The following RPS6KA2 variants were observed in gnomAD, a reference collection of about 807,000 sequenced individuals.
The protein encoded by RPS6KA2 is ribosomal protein S6 kinase A2.
RPS6KA2 carries 42 observed loss-of-function variants against 91.8 expected under a neutral mutation model. The ratio of observed to expected loss-of-function variants is 0.46; its 90% CI spans 0.36 to 0.59. The LOEUF is 0.59. Among genes scored for constraint, RPS6KA2 ranks in the 20% least tolerant of loss-of-function variants. The pLI, the probability that RPS6KA2 is intolerant of heterozygous loss-of-function variation, is 0.00. For missense variants in RPS6KA2, 798 were observed against 978.5 expected (o/e 0.82, Z 2.46); for synonymous variants, 414 against 393.6 (o/e 1.05, Z -0.61).
In RPS6KA2 at chr6:166,434,556, C is replaced by G. The variant is rs984833323; in HGVS notation, c.1333-2066G>C. On this transcript the variant is annotated intron_variant, in intron 14 of 20. Coordinates refer to ENST00000265678, the MANE Select transcript of RPS6KA2 (RefSeq NM_021135.6). This position sits in a 1 kb window ranked among gnomAD's most constrained non-coding sequence, Gnocchi z 4.4. ...GGTACCCAAACTCCTCTGCTCCTGT[C>G]TGCCTGTGGGCATCCCGTCTATCGG... 3.3e-5 allele frequency among the ~76,000 whole-genome samples: 5 copies of G among 152,232 alleles called. No homozygotes were observed. The highest frequency in any genetic ancestry group is 9.6e-5 in the African/African-American group (4 of 41,468).
chr6:166,679,683 T>C (rs1427580836), intron 2 of RPS6KA2, among the ~76,000 whole-genome samples: 2 of 152,212 alleles, frequency 1.3e-5, no homozygotes, highest in Admixed American at 6.5e-5. Context: ...TTCAGCCCGC[T>C]GCTGTGCTGT....
chr6:166,799,674 C>A (rs980823325), intron 2 of RPS6KA2, among the ~76,000 whole-genome samples: 1 of 151,296 alleles, frequency 6.6e-6, no homozygotes, highest in Non-Finnish European at 1.5e-5. Flanking sequence ...AAGAGTTGTG[C>A]GAGAGTTTTA....
At chr6:166,586,223 T>A in intron 1 of RPS6KA2, 1 of 1,592,270 alleles carries the variant, frequency 6.3e-7, no homozygotes, top group Non-Finnish European at 8.5e-7. Context: ...TACCCCAGGA[T>A]CGTCCATGCC....
chr6:166,501,958 C>T (rs1057491105), intron 6 of RPS6KA2, among the ~76,000 whole-genome samples: 3 of 152,124 alleles, frequency 2.0e-5, no homozygotes, highest in East Asian at 1.9e-4. Flanking sequence ...TAAATAAGCC[C>T]GTCCCCAAAC....
At chr6:166,475,798 G>T (rs770923783) in intron 10 of RPS6KA2, 3 of 532,994 alleles carry the variant, frequency 5.6e-6, no homozygotes, top group Non-Finnish European at 1.2e-5. Context: ...AAGCCTAGGA[G>T]CCTGGAGCAA....
chr6:166,632,948 C>T (rs1238071320), intron 2 of RPS6KA2, among the ~76,000 whole-genome samples: 2 of 152,218 alleles, frequency 1.3e-5, no homozygotes, highest in African/African-American at 2.4e-5. Flanking sequence ...GGCGCAGGGG[C>T]TCATGCCTGC....
chr6:166,450,391 C>G (rs62637767), intron 13 of RPS6KA2, among the ~76,000 whole-genome samples: 1 of 148,654 alleles, frequency 6.7e-6, no homozygotes, highest in Admixed American at 6.7e-5. Flanking sequence ...CAGGGACCAC[C>G]ACAGGAGATC....
intron 1 of RPS6KA2, among the ~76,000 whole-genome samples, chr6:166,593,970 C>T (rs1486993705): frequency 2.0e-5 from 3 of 152,214 alleles, no homozygotes; most frequent in African/African-American, 2.4e-5. Context: ...ATTGACCTAA[C>T]AATTCCATTC....
At chr6:166,685,026 G>A (rs760987200) in intron 2 of RPS6KA2, among the ~76,000 whole-genome samples, 8 of 152,228 alleles carry the variant, frequency 5.3e-5, no homozygotes, top group Admixed American at 2.0e-4. Context: ...ATGTCACTGC[G>A]GGATGGTAGC....
intron 2 of RPS6KA2, among the ~76,000 whole-genome samples, chr6:166,640,483 C>T (rs1250566509): frequency 1.3e-5 from 2 of 152,180 alleles, no homozygotes; most frequent in East Asian, 3.9e-4. Context: ...CTCCTCCCCT[C>T]ATCAGGGGAG....
chr6:166,795,881 C>T (rs533964905), intron 2 of RPS6KA2, among the ~76,000 whole-genome samples: 1 of 152,308 alleles, frequency 6.6e-6, no homozygotes, highest in African/African-American at 2.4e-5. Flanking sequence ...AGGAAGCATC[C>T]AGGCAGTGGG....
intron 2 of RPS6KA2, chr6:166,702,240 G>A (rs1220717133): frequency 6.2e-7 from 1 of 1,612,044 alleles, no homozygotes; most frequent in East Asian, 2.2e-5. Flanking sequence ...AGGCACAGAG[G>A]CAAATCACAT....
intron 1 of RPS6KA2, among the ~76,000 whole-genome samples, chr6:166,564,636 G>A (rs1583283695): frequency 6.6e-6 from 1 of 152,312 alleles, no homozygotes; most frequent in Non-Finnish European, 1.5e-5. Flanking sequence ...GCTCTTTAAT[G>A]TGAAGCTTTT....
intron 1 of RPS6KA2, among the ~76,000 whole-genome samples, chr6:166,546,471 G>A (rs1411670350): frequency 6.9e-6 from 1 of 145,398 alleles, no homozygotes; most frequent in Non-Finnish European, 1.5e-5. Context: ...GTGTCACCCT[G>A]ACTGGGAAAA....
chr6:166,428,107 T>C (rs1778990024), intron 16 of RPS6KA2, among the ~76,000 whole-genome samples: 1 of 151,778 alleles, frequency 6.6e-6, no homozygotes, highest in Non-Finnish European at 1.5e-5. Context: ...AAAACAGAGA[T>C]ATAGATCAAT....
At chr6:166,516,531 ATCAAACAAAG>A (rs1004730978) in intron 3 of RPS6KA2, among the ~76,000 whole-genome samples, 1 of 152,218 alleles carries the variant, frequency 6.6e-6, no homozygotes, top group African/African-American at 2.4e-5. Context: ...GCCTGCTGGC[ATCAAACAAAG>A]TTAAACTCAA....
intron 2 of RPS6KA2, among the ~76,000 whole-genome samples, chr6:166,794,162 AAAAC>A (rs1421691083): frequency 4.4e-4 from 61 of 138,934 alleles, no homozygotes; most frequent in African/African-American, 1.5e-3. Context: ...TTACAAGAAA[AAAAC>A]AAACAACCCC....
At chr6:166,460,277 G>C (rs199512983) in intron 11 of RPS6KA2, among the ~76,000 whole-genome samples, 1 of 152,238 alleles carries the variant, frequency 6.6e-6, no homozygotes, top group Non-Finnish European at 1.5e-5. Context: ...TCTGTGCTCC[G>C]GTCTCAGAGC....
At chr6:166,714,139 CAGGGTATCAGGCAGGG>C (rs1789946108) in intron 2 of RPS6KA2, among the ~76,000 whole-genome samples, 1 of 152,216 alleles carries the variant, frequency 6.6e-6, no homozygotes. Flanking sequence ...TCCCAGCCCA[CAGGGTATCAGGCAGGG>C]TTACCCCCAG....
Sources: gnomAD v4.1 joint callset for allele counts (sites outside exome capture counted in the v4.1 genomes callset) on GRCh38, gnomAD v4.1.1 for gene constraint, Gnocchi (gnomAD v3.1) non-coding constraint, MANE v1.5 for transcripts, NCBI Gene and HGNC (gene_info 2026-07-23, HGNC 2026-07-21) for gene names.